The following ADGRF1 variants were observed in gnomAD, a reference collection of about 807,000 sequenced individuals.
ADGRF1 encodes adhesion G protein-coupled receptor F1.
ADGRF1 carries 85 observed loss-of-function variants against 87.2 expected under a neutral mutation model. The observed-to-expected ratio is 0.97, with a 90% CI of 0.82 to 1.17. The LOEUF (loss-of-function observed/expected upper bound fraction) is 1.17, where lower values mean the gene tolerates loss of function less well. Among genes scored for constraint, ADGRF1 ranks in the 50% most tolerant of loss-of-function variants. The probability of loss-of-function intolerance (pLI) is 0.00; values close to 1 mark genes in which losing one functional copy is unlikely to be tolerated. For missense variants in ADGRF1, 1,169 were observed against 1,077.2 expected (o/e 1.09, Z -1.19); for synonymous variants, 430 against 408.8 (o/e 1.05, Z -0.63).
chr6:47,018,952 C>T, intron 7 of ADGRF1: 1 of 173,964 alleles, frequency 5.7e-6, no homozygotes, highest in Non-Finnish European at 1.2e-5. Flanking sequence ...ATGGCAAGTG[C>T]CTGTGATCCT....
At position 47,026,240 on chromosome 6, in the gene ADGRF1, C is replaced by T. The variant is rs141646587; in HGVS notation, c.128-237G>A. Reference sequence around the variant, plus strand: ...CTCTCACTTCTGCCAGGCCAGCTGCCCCAGTGCTGTCTGTCCCTCCCCAGA... The same window carrying T: ...CTCTCACTTCTGCCAGGCCAGCTGCTCCAGTGCTGTCTGTCCCTCCCCAGA... On this transcript the variant is annotated intron_variant, in intron 3 of 14. Transcript: ENST00000371253. Among the ~76,000 whole-genome samples the T allele has an allele frequency of 1.6e-3, 251 of 152,186 alleles. 2 individuals carry two copies. Among genetic ancestry groups the T allele is most frequent in the African/African-American group, 5.6e-3 (231 of 41,522 alleles).
chr6:47,027,195 G>T (rs78884612), intron 3 of ADGRF1, among the ~76,000 whole-genome samples: 2,794 of 152,264 alleles, frequency 0.018, 83 homozygotes, highest in African/African-American at 0.063. Flanking sequence ...TTGAAATTTT[G>T]ATTTCATTTT....
At chr6:47,014,218 A>T in intron 9 of ADGRF1, 1 of 983,896 alleles carries the variant, frequency 1.0e-6, no homozygotes, top group African/African-American at 1.7e-5. Context: ...CTTAAGGTCC[A>T]TTGCAGTTCA....
In ADGRF1 at chr6:47,000,209, A is replaced by G. The variant is rs753894363; in HGVS notation, c.*13T>C. The G allele has an allele frequency of 5.0e-6, 8 of 1,598,882 alleles. No homozygotes were observed. The East Asian group carries it at 8.9e-5, about 18-fold the overall frequency. On this transcript the variant is annotated 3_prime_UTR_variant, in exon 15 of 15. Coordinates refer to ENST00000371253, the MANE Select transcript of ADGRF1 (RefSeq NM_153840.4). The stretch of plus-strand genomic sequence containing the variant: ...GTTCTGGAAATTTTTTCTTGATTTT[A>G]TGATTCCTTGCCTTATTCATTTGAG...
At chr6:47,001,680 G>T in intron 13 of ADGRF1, 113 bp from the exon 14 acceptor site, 1 of 776,990 alleles carries the variant, frequency 1.3e-6, no homozygotes, top group Non-Finnish European at 2.1e-6. Context: ...TTTCATAGGT[G>T]CTATTCTCTT....
In ADGRF1 at chr6:47,001,440, T is replaced by C. The variant is rs539479049; in HGVS notation, c.2659+61A>G. ...ACATGTTGCCATTGAATTTTATTCA[T>C]ATGATATACTCATATACTCTTTTCA... is the stretch of plus-strand genomic sequence containing the variant. On this transcript the variant is annotated intron_variant, in intron 14 of 14. Coordinates refer to ENST00000371253, the MANE Select transcript of ADGRF1 (RefSeq NM_153840.4). The C allele has an allele frequency of 2.7e-5, 36 of 1,324,446 alleles. No individual in the cohort carries two copies. The African/African-American group carries it at 4.4e-4, about 16-fold the overall frequency. 82.0% of individuals were successfully genotyped at this position (1,324,446 alleles called of 1,614,324 possible).
chr6:47,012,027 C>G lies in ADGRF1; in HGVS notation c.1096G>C (p.Val366Leu), dbSNP rs200664922. ...SSLSLASHFR[V>L]SNSTMEDVIS... ...CATACCTCCATTGTTGAATTGGACA[C>G]CCTGAAATGGCTGGCCAGTGACAGA... The change falls in exon 10 of 15, where the codon GTG (valine) becomes CTG (leucine). Residue 366 changes from valine to leucine, a missense_variant. Val to Leu is a conservative substitution (Grantham distance 32, BLOSUM62 1). Transcript: ENST00000371253. The G allele has an allele frequency of 1.2e-6, 2 of 1,613,836 alleles. No homozygotes were observed. The highest frequency in any genetic ancestry group is 4.5e-5 in the East Asian group (2 of 44,848).
In ADGRF1 at chr6:47,031,331, TTCTC is replaced by T. The variant is rs368788829; in HGVS notation, c.-43-2231_-43-2228del. Among the ~76,000 whole-genome samples the T allele has an allele frequency of 4.1e-3, 522 of 128,302 alleles. 8 individuals are homozygous for T. Among genetic ancestry groups the T allele is most frequent in the South Asian group, 0.026 (102 of 3,984 alleles). The allele number at this position is 128,302 out of a possible 152,430, so 84.2% of individuals were successfully genotyped here. A position where few individuals can be genotyped will look rare whatever the true frequency, so the allele number is the denominator to read the frequency against. ...CTGTCTCTCTGTCTCTCTCTCTCTCTTCTCTCTCTCTCTCTCTCTGTCTCTCTCT... is the reference window on the plus strand; with the variant it reads ...CTGTCTCTCTGTCTCTCTCTCTCTCTTCTCTCTCTCTCTCTGTCTCTCTCT... On this transcript the variant is annotated intron_variant, in intron 1 of 14. Transcript: ENST00000371253.
At chr6:47,032,587 T>G (rs1345576944) in intron 1 of ADGRF1, among the ~76,000 whole-genome samples, 1 of 152,234 alleles carries the variant, frequency 6.6e-6, no homozygotes, top group Non-Finnish European at 1.5e-5. Context: ...TGTTCCCAGC[T>G]TTGACATTTA....
chr6:47,002,328 G>T (rs960724035), intron 13 of ADGRF1, among the ~76,000 whole-genome samples: 1 of 151,776 alleles, frequency 6.6e-6, no homozygotes, highest in South Asian at 2.1e-4. Flanking sequence ...ATATTCAGTA[G>T]ATAGACCAGT....
chr6:47,026,873 C>T (rs940802906), intron 3 of ADGRF1, among the ~76,000 whole-genome samples: 1 of 152,172 alleles, frequency 6.6e-6, no homozygotes, highest in South Asian at 2.1e-4. Context: ...ACCCACTTCT[C>T]GTCCACGCAG....
Position 47,025,539 on chromosome 6 carries a change from T to G in ADGRF1, c.277+315A>C, listed in dbSNP as rs370494736. Among the ~76,000 whole-genome samples, 514 of 152,328 alleles carry G rather than the reference T, an allele frequency of 3.4e-3. 7 individuals carry two copies. The highest frequency in any genetic ancestry group is 0.024 in the South Asian group (117 of 4,820). On this transcript the variant is annotated intron_variant, in intron 4 of 14. Coordinates refer to ENST00000371253, the MANE Select transcript of ADGRF1 (RefSeq NM_153840.4). ...GAGCCAGTTCTAGCCAAAAAGTTGT[T>G]GGCAGAGTTACTGCGGTCACTTCTG...
chr6:47,020,268 G>A (rs186071424), intron 7 of ADGRF1: 46 of 1,213,788 alleles, frequency 3.8e-5, no homozygotes, highest in African/African-American at 2.4e-4. Context: ...CGAGGCAGGC[G>A]GATCACCTGA....
intron 1 of ADGRF1, among the ~76,000 whole-genome samples, chr6:47,029,696 T>C (rs1166900009): frequency 6.6e-6 from 1 of 152,194 alleles, no homozygotes; most frequent in African/African-American, 2.4e-5. Flanking sequence ...ATCAAAAAAA[T>C]CACAAAATGT....
At chr6:47,012,246 A>G (rs1253934050) in intron 9 of ADGRF1, 51 bp from the exon 10 acceptor site, 1 of 1,587,480 alleles carries the variant, frequency 6.3e-7, no homozygotes, top group South Asian at 1.1e-5. Context: ...GCTGTGTTTC[A>G]TCAAATTTAA....
At chr6:47,019,450 G>A (rs1039408388) in intron 7 of ADGRF1, 22 of 755,462 alleles carry the variant, frequency 2.9e-5, no homozygotes, top group African/African-American at 2.8e-4. Context: ...TTGGGAAGCC[G>A]AGGCAGGCGG....
intron 9 of ADGRF1, chr6:47,013,577 C>G: frequency 1.0e-6 from 1 of 985,464 alleles, no homozygotes; most frequent in Non-Finnish European, 1.2e-6. Context: ...TCTTCTGATT[C>G]CTAGATATTT....
At chr6:47,030,619 T>TAC (rs2113904771) in intron 1 of ADGRF1, among the ~76,000 whole-genome samples, 1 of 150,490 alleles carries the variant, frequency 6.6e-6, no homozygotes, top group South Asian at 2.1e-4. Context: ...TGTGTGTGTG[T>TAC]ACCTTGGATA....
Position 47,000,304 on chromosome 6 carries a change from G to T in ADGRF1, c.2660-9C>A. On this transcript the variant is annotated splice_polypyrimidine_tract_variant and intron_variant, in intron 14 of 14. Transcript: ENST00000371253. ...AGAAAATGCATAATGGCCTGAAGGG[G>T]AAAAAAAAAGGAAATAATTATTGTT... The T allele has an allele frequency of 6.6e-7, 1 of 1,525,064 alleles. No individual in the cohort carries two copies. The highest frequency in any genetic ancestry group is 8.9e-7 in the Non-Finnish European group (1 of 1,120,158). The allele number at this position is 1,525,064 out of a possible 1,614,324, so 94.5% of individuals were successfully genotyped here.
Sources: allele counts gnomAD v4.1 joint callset (sites outside exome capture counted in the v4.1 genomes callset), GRCh38; gene constraint gnomAD v4.1.1; transcripts MANE v1.5; gene names NCBI Gene and HGNC (gene_info 2026-07-23, HGNC 2026-07-21).